CLEC1A: variants seen among roughly 807,000 people sequenced by gnomAD.
CLEC1A encodes the protein C-type lectin domain family 1 member A.
Under a neutral mutation model 28.7 loss-of-function variants are expected in CLEC1A, and 34 were observed. The ratio of observed to expected loss-of-function variants is 1.18; its 90% CI spans 0.90 to 1.57. CLEC1A has a LOEUF of 1.57. Among genes scored for constraint, CLEC1A ranks in the 40% most tolerant of loss-of-function variants. The probability of loss-of-function intolerance (pLI) is 0.00; values close to 1 mark genes in which losing one functional copy is unlikely to be tolerated. For missense variants in CLEC1A, 385 were observed against 339.5 expected (o/e 1.13, Z -1.05); for synonymous variants, 116 against 121.0 (o/e 0.96, Z 0.27).
rs1397420160 is a variant in CLEC1A, at chr12:10,070,607, C to G, written c.*726G>C. The G allele has an allele frequency of 1.3e-5, 2 of 152,142 alleles. No individual in the cohort carries two copies. Among genetic ancestry groups the G allele is most frequent in the Non-Finnish European group, 2.9e-5 (2 of 68,026 alleles). The allele number at this position is 152,142 out of a possible 1,614,324, so 9.4% of individuals were successfully genotyped here. On this transcript the variant is annotated 3_prime_UTR_variant, in exon 6 of 6. Transcript: ENST00000315330. Reference sequence around the variant, plus strand: ...ATGAAGAGGCTCACTTTTTTCTGGTCTTTAATCTCTCTGAAGGGAATATCG... The same window carrying G: ...ATGAAGAGGCTCACTTTTTTCTGGTGTTTAATCTCTCTGAAGGGAATATCG...
At position 10,095,107 on chromosome 12, in the gene CLEC1A, T is replaced by A. The variant is rs540624766; in HGVS notation, c.115+3701A>T. Among the ~76,000 whole-genome samples the A allele has an allele frequency of 2.6e-5, 4 of 152,278 alleles. No individual in the cohort carries two copies. In the South Asian group the frequency reaches 8.3e-4, roughly 32 times the overall value. On this transcript the variant is annotated intron_variant, in intron 1 of 5. Transcript: ENST00000315330. ...AAAGAGGCTCCTCTAGTACATCCCA[T>A]AATGTCTTGTCATTAGTAGGTTTGA...
Position 10,075,567 on chromosome 12 carries a change from G to A in CLEC1A, c.480C>T (p.Asp160=). ...QFYKDSKSWE[D]CKYFCLSENS... ...TTTCACTAAGGCAGAAATATTTACA[G>A]TCCTCCCAACTTTTGCTGTCTTTAT... The change falls in exon 4 of 6, where the codon GAC becomes GAT. Residue 160 remains aspartate, a synonymous_variant. Transcript: ENST00000315330. 6.2e-7 allele frequency: 1 copy of A among 1,613,888 alleles called. No homozygotes were observed. The highest frequency in any genetic ancestry group is 2.2e-5 in the East Asian group (1 of 44,872).
intron 1 of CLEC1A, among the ~76,000 whole-genome samples, chr12:10,095,933 G>C (rs1210782579): frequency 6.6e-6 from 1 of 152,070 alleles, no homozygotes; most frequent in Non-Finnish European, 1.5e-5. Flanking sequence ...CTCAGGTGTT[G>C]ATATTCCCTC....
At chr12:10,096,714 T>TA (rs1947781367) in intron 1 of CLEC1A, among the ~76,000 whole-genome samples, 1 of 152,156 alleles carries the variant, frequency 6.6e-6, no homozygotes, top group African/African-American at 2.4e-5. Context: ...TATAGTTCTC[T>TA]AAAAATACAA....
intron 2 of CLEC1A, among the ~76,000 whole-genome samples, chr12:10,084,930 C>T (rs1008735601): frequency 1.3e-5 from 2 of 151,098 alleles, no homozygotes; most frequent in East Asian, 2.0e-4. Context: ...AGAAACCCTA[C>T]AAGGCAGAAA....
chr12:10,080,839 G>T (rs1453512787), intron 3 of CLEC1A, among the ~76,000 whole-genome samples: 1 of 152,100 alleles, frequency 6.6e-6, no homozygotes, highest in African/African-American at 2.4e-5. Flanking sequence ...CAGGTTATCT[G>T]CATTTTCAGA....
In CLEC1A at chr12:10,070,018, A is replaced by G. The variant is rs1407357401; in HGVS notation, c.*1315T>C. On this transcript the variant is annotated 3_prime_UTR_variant, in exon 6 of 6. Transcript: ENST00000315330. ...TATAATGTTATCTTTTCTAGCATAAAACCCTCAAAATTGATTTATCAGTAA... is the reference window on the plus strand; with the variant it reads ...TATAATGTTATCTTTTCTAGCATAAGACCCTCAAAATTGATTTATCAGTAA... The G allele has an allele frequency of 6.6e-6, 1 of 152,244 alleles. No homozygotes were observed. The highest frequency in any genetic ancestry group is 1.5e-5 in the Non-Finnish European group (1 of 68,040). The allele number at this position is 152,244 out of a possible 1,614,324, so 9.4% of individuals were successfully genotyped here.
Position 10,075,523 on chromosome 12 carries a change from A to G in CLEC1A, c.524T>C (p.Ile175Thr), listed in dbSNP as rs765132787. Residue 175 changes from isoleucine to threonine, a missense_variant, in exon 4 of 6, where the codon ATA becomes ACA. Coordinates refer to ENST00000315330, the MANE Select transcript of CLEC1A (RefSeq NM_016511.4). The part of the protein sequence containing the change: ...CLSENSTMLK[I>T]NKQEDLEFAA... ...TCTTACCAGGTCTTCTTGTTTGTTT[A>G]TCTTCAGCATGGTAGAGTTTTCACT... 5 of 1,613,898 alleles carry G rather than the reference A, an allele frequency of 3.1e-6. No homozygotes were observed. Among genetic ancestry groups the G allele is most frequent in the Non-Finnish European group, 3.4e-6 (4 of 1,179,870 alleles).
intron 5 of CLEC1A, among the ~76,000 whole-genome samples, chr12:10,071,932 T>C (rs1282480598): frequency 2.0e-5 from 3 of 152,218 alleles, no homozygotes; most frequent in East Asian, 1.9e-4. Context: ...AAATGTGATA[T>C]ATTTTGATAG....
chr12:10,088,434 TCAAA>T (rs1309296879), intron 2 of CLEC1A, among the ~76,000 whole-genome samples: 2 of 7,180 alleles, frequency 2.8e-4, no homozygotes, highest in African/African-American at 2.6e-3. Context: ...GAATAACTGT[TCAAA>T]GAACAGTTAA....
chr12:10,097,766 C>T (rs1167961643), intron 1 of CLEC1A, among the ~76,000 whole-genome samples: 1 of 152,166 alleles, frequency 6.6e-6, no homozygotes, highest in Admixed American at 6.5e-5. Context: ...ATGGACTCTT[C>T]GTAAGTTTTT....
chr12:10,090,266 A>G (rs7961436), intron 1 of CLEC1A, among the ~76,000 whole-genome samples: 72,024 of 152,074 alleles, frequency 0.47, 20,658 homozygotes, highest in Middle Eastern at 0.73. Flanking sequence ...GGTCCTATAC[A>G]TAATACATTC....
Position 10,070,896 on chromosome 12 carries a change from A to G in CLEC1A, c.*437T>C, listed in dbSNP as rs1431915085. On this transcript the variant is annotated 3_prime_UTR_variant, in exon 6 of 6. Transcript: ENST00000315330. The stretch of plus-strand genomic sequence containing the variant: ...AAGAATTCCTTGTGTATTTGCTGGT[A>G]CAATCTGGGAAGTGACTGCCAATTT... 2 of 153,948 alleles carry G rather than the reference A, an allele frequency of 1.3e-5. No individual in the cohort carries two copies. The highest frequency in any genetic ancestry group is 1.9e-4 in the East Asian group (1 of 5,256). The allele number at this position is 153,948 out of a possible 1,614,324, so 9.5% of individuals were successfully genotyped here.
chr12:10,098,629 T>C (rs1383213448), intron 1 of CLEC1A, among the ~76,000 whole-genome samples, 179 bp downstream of exon 1: 4 of 145,546 alleles, frequency 2.7e-5, no homozygotes, highest in Non-Finnish European at 6.0e-5. Flanking sequence ...CTTCTCTAAG[T>C]GTGGGAATTA....
At chr12:10,076,606 T>C (rs139999246) in intron 3 of CLEC1A, among the ~76,000 whole-genome samples, 1 of 152,296 alleles carries the variant, frequency 6.6e-6, no homozygotes, top group Admixed American at 6.5e-5. Flanking sequence ...AGGAGAAATG[T>C]AACAACCTGG....
At chr12:10,081,981 A>C (rs1407477761) in intron 2 of CLEC1A, among the ~76,000 whole-genome samples, 1 of 152,112 alleles carries the variant, frequency 6.6e-6, no homozygotes, top group Non-Finnish European at 1.5e-5. Flanking sequence ...AAGCAGAGGA[A>C]AGAGTCCTGT....
chr12:10,071,269 C>G lies in CLEC1A; in HGVS notation c.*64G>C. The G allele has an allele frequency of 6.9e-7, 1 of 1,455,494 alleles. No individual in the cohort carries two copies. Among genetic ancestry groups the G allele is most frequent in the Admixed American group, 1.9e-5 (1 of 52,278 alleles). The allele number at this position is 1,455,494 out of a possible 1,614,324, so 90.2% of individuals were successfully genotyped here. ...CTGATTATGTTCCATTTCCCAATGT[C>G]TCAACTAGCCCTTGCTTTGGCACCG... On this transcript the variant is annotated 3_prime_UTR_variant, in exon 6 of 6. Coordinates refer to ENST00000315330, the MANE Select transcript of CLEC1A (RefSeq NM_016511.4).
intron 1 of CLEC1A, among the ~76,000 whole-genome samples, chr12:10,097,729 A>T (rs1947795870): frequency 6.6e-6 from 1 of 152,168 alleles, no homozygotes; most frequent in South Asian, 2.1e-4. Flanking sequence ...AGTTATATAC[A>T]AGCTACTCAA....
Position 10,073,251 on chromosome 12 carries a change from C to A in CLEC1A, c.662+42G>T, listed in dbSNP as rs376487086. The A allele has an allele frequency of 5.5e-6, 8 of 1,462,966 alleles. No homozygotes were observed. The African/African-American group carries it at 1.1e-4, about 20-fold the overall frequency. The allele number at this position is 1,462,966 out of a possible 1,614,324, so 90.6% of individuals were successfully genotyped here. A position where few individuals can be genotyped will look rare whatever the true frequency, so the allele number is the denominator to read the frequency against. On this transcript the variant is annotated intron_variant, in intron 5 of 5. Transcript: ENST00000315330. ...GAGCTCTATCACTCAAGCAAAATAT[C>A]TTTGTTAAATGCCTTTCCCATAAAA...
Sources: allele counts gnomAD v4.1 joint callset (sites outside exome capture counted in the v4.1 genomes callset), GRCh38; gene constraint gnomAD v4.1.1; transcripts MANE v1.5; gene names NCBI Gene and HGNC (gene_info 2026-07-23, HGNC 2026-07-21).